ZNF138: variants seen among roughly 807,000 people sequenced by gnomAD.
ZNF138 encodes the protein zinc finger protein 138, also known as zinc finger protein 138 (clone pHZ-32).
A neutral mutation model predicts 33.0 loss-of-function variants in ZNF138; 33 were observed. The observed-to-expected ratio is 1.00, with a 90% CI of 0.76 to 1.34. The LOEUF is 1.34. Among genes scored for constraint, ZNF138 ranks in the 40% most tolerant of loss-of-function variants. ZNF138 has a pLI of 0.00. For missense variants in ZNF138, 360 were observed against 370.8 expected (o/e 0.97, Z 0.24); for synonymous variants, 139 against 120.4 (o/e 1.15, Z -1.01).
chr7:64,846,451 G>C, the ZNF138 span, among the ~76,000 whole-genome samples: 1 of 152,146 alleles, frequency 6.6e-6, no homozygotes, highest in Non-Finnish European at 1.5e-5. Context: ...GTAGTGTTTT[G>C]TAGTTTTCCT....
chr7:64,842,911 A>C, the ZNF138 span, among the ~76,000 whole-genome samples: 1 of 152,200 alleles, frequency 6.6e-6, no homozygotes, highest in Non-Finnish European at 1.5e-5. Flanking sequence ...TGCTGTACAA[A>C]ACAATCTCTT....
At chr7:64,844,355 GA>G in the ZNF138 span, among the ~76,000 whole-genome samples, 1 of 152,242 alleles carries the variant, frequency 6.6e-6, no homozygotes, top group African/African-American at 2.4e-5. Flanking sequence ...ACAGTGCCCA[GA>G]AGAATAGAGT....
At chr7:64,838,285 G>A (rs564607156), downstream of ZNF138, among the ~76,000 whole-genome samples, 1 of 152,320 alleles carries the variant, frequency 6.6e-6, no homozygotes, top group Non-Finnish European at 1.5e-5. Flanking sequence ...CCCATTTGTT[G>A]GCAGTTAGGG....
At chr7:64,799,406 G>C (rs140044825) in intron 1 of ZNF138, among the ~76,000 whole-genome samples, 6,634 of 152,074 alleles carry the variant, frequency 0.044, 204 homozygotes, top group East Asian at 0.14. Context: ...CAGGTGATCT[G>C]CCCGCCTCTG....
chr7:64,815,025 C>G lies in ZNF138; in HGVS notation c.111C>G (p.Tyr37Ter), dbSNP rs1250997180. The change falls in exon 2 of 4, where the codon TAC becomes TAG. Residue 37 changes from tyrosine to a stop codon, truncating the protein, a stop_gained. Coordinates refer to ENST00000307355, the MANE Select transcript of ZNF138 (RefSeq NM_001271639.2). LOFTEE classifies it high-confidence loss of function. ...ATAGGCATGTGATGTTAGAGAACTA[C>G]AGAAACCTGGTTTTCTTGGGTGAGA... ...NVYRHVMLENYRNLVFLDLIT... is the reference protein window; with the variant it reads ...NVYRHVMLEN The G allele has an allele frequency of 4.4e-6, 7 of 1,606,838 alleles. No homozygotes were observed. Among genetic ancestry groups the G allele is most frequent in the Non-Finnish European group, 5.9e-6 (7 of 1,177,010 alleles).
chr7:64,808,734 C>T (rs1220100182), intron 1 of ZNF138, among the ~76,000 whole-genome samples: 3 of 140,476 alleles, frequency 2.1e-5, no homozygotes, highest in East Asian at 2.0e-4. Context: ...GCAGAGGACC[C>T]TGCGGCCTTC....
intron 1 of ZNF138, among the ~76,000 whole-genome samples, chr7:64,805,300 G>A (rs561446488): frequency 6.6e-5 from 10 of 152,182 alleles, no homozygotes; most frequent in Non-Finnish European, 1.3e-4. Context: ...TCAGGAGGCT[G>A]AGCCAGGAGA....
At chr7:64,798,653 C>T (rs913284077) in intron 1 of ZNF138, among the ~76,000 whole-genome samples, 1 of 152,050 alleles carries the variant, frequency 6.6e-6, no homozygotes, top group Non-Finnish European at 1.5e-5. Context: ...GTGGCCCATG[C>T]CTGTAATCCC....
chr7:64,836,691 C>T (rs1470569013), downstream of ZNF138: 8 of 152,170 alleles, frequency 5.3e-5, no homozygotes, highest in Admixed American at 6.5e-5. Context: ...ACCAGTGCCA[C>T]GGACAGCCTA....
chr7:64,852,339 G>A, the ZNF138 span: 2 of 1,138,222 alleles, frequency 1.8e-6, no homozygotes, highest in Non-Finnish European at 1.3e-6. Flanking sequence ...TTGAAGCGAT[G>A]ATAAAGGAAA....
chr7:64,835,802 G>A (rs1790350883), downstream of ZNF138: 2 of 152,166 alleles, frequency 1.3e-5, no homozygotes, highest in African/African-American at 4.8e-5. Context: ...TGAGATGTTT[G>A]GATTGAGTGG....
intron 3 of ZNF138, among the ~76,000 whole-genome samples, chr7:64,827,075 G>A (rs1262656112): frequency 6.6e-6 from 1 of 150,382 alleles, no homozygotes; most frequent in Non-Finnish European, 1.5e-5. Flanking sequence ...TTATAATGGT[G>A]TCCATCATTT....
At chr7:64,855,446 C>CAGTAAATTTAGAGAAGAA in the ZNF138 span, among the ~76,000 whole-genome samples, 3 of 27,992 alleles carry the variant, frequency 1.1e-4, no homozygotes, top group Admixed American at 4.4e-4. Context: ...TTTATTTTAT[C>CAGTAAATTTAGAGAAGAA]TTGCGTGCAA....
chr7:64,834,684 A>G (rs1790310929), downstream of ZNF138, among the ~76,000 whole-genome samples: 1 of 152,160 alleles, frequency 6.6e-6, no homozygotes, highest in Non-Finnish European at 1.5e-5. Context: ...GAATTTTTCT[A>G]TGGAAGAGTA....
At chr7:64,796,557 T>A (rs947034372) in intron 1 of ZNF138, among the ~76,000 whole-genome samples, 6 of 152,164 alleles carry the variant, frequency 3.9e-5, no homozygotes, top group African/African-American at 1.2e-4. Context: ...TGGAAAAAAA[T>A]ATCTAATCAT....
chr7:64,811,660 G>T (rs6460186), intron 1 of ZNF138, among the ~76,000 whole-genome samples: 142,953 of 152,352 alleles, frequency 0.94, 67,109 homozygotes, highest in South Asian at 0.98. Flanking sequence ...GCTGCCTTCT[G>T]TTTGTTCTGT....
At chr7:64,807,103 T>A (rs1388053000) in intron 1 of ZNF138, among the ~76,000 whole-genome samples, 1 of 152,258 alleles carries the variant, frequency 6.6e-6, no homozygotes, top group Non-Finnish European at 1.5e-5. Context: ...CTGCTGCAGA[T>A]AACAAGCCAA....
In ZNF138 at chr7:64,813,489, A is replaced by G. The variant is rs113852783; in HGVS notation, c.4-1429A>G. On this transcript the variant is annotated intron_variant, in intron 1 of 3. Transcript: ENST00000307355. ...CGCGCTGTCGCCCAGGCTGGAGTGC[A>G]GTGGCGGGATCTCCGCTCACTGCAA... Among the ~76,000 whole-genome samples the G allele has an allele frequency of 2.4e-3, 365 of 149,316 alleles. 3 individuals carry two copies. Among genetic ancestry groups the G allele is most frequent in the African/African-American group, 8.6e-3 (346 of 40,386 alleles).
intron 1 of ZNF138, among the ~76,000 whole-genome samples, chr7:64,805,529 G>C (rs1787526401): frequency 6.6e-6 from 1 of 152,230 alleles, no homozygotes; most frequent in African/African-American, 2.4e-5. Flanking sequence ...ATGTGGCACT[G>C]GAGTGCTGCT....
Sources: allele counts gnomAD v4.1 joint callset (sites outside exome capture counted in the v4.1 genomes callset), GRCh38; gene constraint gnomAD v4.1.1; transcripts MANE v1.5; gene names NCBI Gene and HGNC (gene_info 2026-07-23, HGNC 2026-07-21).